SESTD1: variants seen among roughly 807,000 people sequenced by gnomAD.
SESTD1 encodes SEC14 domain and spectrin repeat-containing protein 1.
SESTD1 carries 43 observed loss-of-function variants against 101.7 expected under a neutral mutation model. The ratio of observed to expected loss-of-function variants is 0.42; its 90% confidence interval spans 0.33 to 0.55. The LOEUF is 0.55. SESTD1 is among the 20% of genes least tolerant of loss of function. The pLI, the probability that SESTD1 is intolerant of heterozygous loss-of-function variation, is 0.07. For missense variants in SESTD1, 647 were observed against 815.1 expected (o/e 0.79, Z 2.51); for synonymous variants, 283 against 286.8 (o/e 0.99, Z 0.13).
chr2:179,192,617 A>C (rs1222488136), intron 1 of SESTD1, among the ~76,000 whole-genome samples: 1 of 152,174 alleles, frequency 6.6e-6, no homozygotes, highest in Admixed American at 6.5e-5. Context: ...GTTATAGCTA[A>C]ATACAAAAAG....
chr2:179,264,158 A>T (rs1295154657), intron 1 of SESTD1: 2 of 152,066 alleles, frequency 1.3e-5, no homozygotes, highest in Non-Finnish European at 2.9e-5. Context: ...GAAATGAACA[A>T]GGGCGCTCAG....
chr2:179,110,678 C>G (rs2044487485), intron 17 of SESTD1, among the ~76,000 whole-genome samples: 1 of 152,046 alleles, frequency 6.6e-6, no homozygotes, highest in Non-Finnish European at 1.5e-5. Context: ...CCAGAGAGAC[C>G]ATCAATCTCT....
At chr2:179,253,603 C>G (rs1234370798) in intron 1 of SESTD1, among the ~76,000 whole-genome samples, 1 of 152,004 alleles carries the variant, frequency 6.6e-6, no homozygotes, top group Non-Finnish European at 1.5e-5. Context: ...AGGTACAGAA[C>G]ACTATGTGAT....
chr2:179,229,927 A>C (rs2046957957), intron 1 of SESTD1, among the ~76,000 whole-genome samples: 1 of 150,152 alleles, frequency 6.7e-6, no homozygotes, highest in Admixed American at 6.6e-5. Context: ...CTGAATTAGT[A>C]ATCTCATAAA....
chr2:179,210,839 T>C (rs989605238), intron 1 of SESTD1, among the ~76,000 whole-genome samples: 1 of 133,848 alleles, frequency 7.5e-6, no homozygotes, highest in Admixed American at 7.3e-5. Context: ...GCCAGAGCAA[T>C]CAGACAAGAG....
At chr2:179,177,776 TG>T (rs1243701544) in intron 3 of SESTD1, among the ~76,000 whole-genome samples, 9 of 152,108 alleles carry the variant, frequency 5.9e-5, no homozygotes, top group African/African-American at 2.2e-4. Flanking sequence ...TCATAATAGC[TG>T]AAGAGTAGAA....
rs535722674 is a variant in SESTD1, at chr2:179,150,649, G to A, written c.483+629C>T. Reference sequence around the variant, plus strand: ...AGCCTGACCAACATGGTGAAACCCCGTCTCTGCTAAAAATACAAAAATTAG... The same window carrying A: ...AGCCTGACCAACATGGTGAAACCCCATCTCTGCTAAAAATACAAAAATTAG... On this transcript the variant is annotated intron_variant, in intron 6 of 17. Transcript: ENST00000428443. Among the ~76,000 whole-genome samples the A allele has an allele frequency of 1.9e-4, 29 of 151,820 alleles. 1 individual carries two copies. Among genetic ancestry groups the A allele is most frequent in the Non-Finnish European group, 3.1e-4 (21 of 67,966 alleles).
At position 179,107,416 on chromosome 2, in the gene SESTD1, A is replaced by C. The variant is rs1245755693; in HGVS notation, c.*2483T>G. 2.6e-5 allele frequency: 4 copies of C among 152,178 alleles called. No homozygotes were observed. The highest frequency in any genetic ancestry group is 5.9e-5 in the Non-Finnish European group (4 of 68,020). 9.4% of individuals were successfully genotyped at this position (152,178 alleles called of 1,614,324 possible). On this transcript the variant is annotated 3_prime_UTR_variant, in exon 18 of 18. Transcript: ENST00000428443. Reference sequence around the variant, plus strand: ...GGCAAGATAGCTTAAGGTATATAAAAATTAACTCATTTGGCAATTATAACT... The same window carrying C: ...GGCAAGATAGCTTAAGGTATATAAACATTAACTCATTTGGCAATTATAACT...
chr2:179,146,131 G>C (rs997086065), intron 8 of SESTD1, among the ~76,000 whole-genome samples: 3 of 149,546 alleles, frequency 2.0e-5, no homozygotes. Context: ...AAACTCTATT[G>C]TGAACTATGC....
At chr2:179,263,324 C>T (rs192710802) in intron 1 of SESTD1, among the ~76,000 whole-genome samples, 1 of 152,292 alleles carries the variant, frequency 6.6e-6, no homozygotes, top group African/African-American at 2.4e-5. Flanking sequence ...ATTGGCATAA[C>T]TTAACCAAGG....
Position 179,151,402 on chromosome 2 carries a change from G to T in SESTD1, c.370-11C>A. The T allele has an allele frequency of 2.6e-6, 4 of 1,568,122 alleles. No individual in the cohort carries two copies. The highest frequency in any genetic ancestry group is 3.4e-6 in the Non-Finnish European group (4 of 1,160,374). On this transcript the variant is annotated splice_polypyrimidine_tract_variant and intron_variant, in intron 5 of 17. Coordinates refer to ENST00000428443, the MANE Select transcript of SESTD1 (RefSeq NM_178123.5). ...GGACACTAAAATAACCTATAAAAAG[G>T]TTAAAAGAAAAGAAACATTTAGTAA...
chr2:179,124,942 G>GTTAGA (rs1428460792), intron 10 of SESTD1, among the ~76,000 whole-genome samples: 1 of 152,090 alleles, frequency 6.6e-6, no homozygotes, highest in Admixed American at 6.5e-5. Context: ...AGTGCATGCT[G>GTTAGA]TTAGATTACA....
At chr2:179,119,283 A>G (rs541179580) in intron 13 of SESTD1, among the ~76,000 whole-genome samples, 1 of 152,356 alleles carries the variant, frequency 6.6e-6, no homozygotes, top group East Asian at 1.9e-4. Flanking sequence ...CAGAACCTGG[A>G]CATTTGATTA....
Position 179,248,390 on chromosome 2 carries a change from G to C in SESTD1, c.-26+16109C>G, listed in dbSNP as rs540573318. ...CAATTCTACACCAGATACAGAAGAG[G>C]AGGAAACACTTTCCATTTCATTTTA... On this transcript the variant is annotated intron_variant, in intron 1 of 17. Transcript: ENST00000428443. Among the ~76,000 whole-genome samples, 7 of 152,252 alleles carry C rather than the reference G, an allele frequency of 4.6e-5. No individual in the cohort carries two copies. In the East Asian group the frequency reaches 1.3e-3, roughly 29 times the overall value.
At chr2:179,230,535 TAAGAG>T (rs1365570656) in intron 1 of SESTD1, among the ~76,000 whole-genome samples, 1 of 151,286 alleles carries the variant, frequency 6.6e-6, no homozygotes, top group African/African-American at 2.4e-5. Context: ...AATAAATAAA[TAAGAG>T]AAAAGGTGAG....
intron 5 of SESTD1, among the ~76,000 whole-genome samples, chr2:179,168,827 A>G (rs1386955365): frequency 6.6e-6 from 1 of 152,374 alleles, no homozygotes; most frequent in South Asian, 2.1e-4. Flanking sequence ...GTTTGTTTAT[A>G]GCACAGTAAA....
chr2:179,253,045 A>G (rs2047341018), intron 1 of SESTD1, among the ~76,000 whole-genome samples: 1 of 152,200 alleles, frequency 6.6e-6, no homozygotes, highest in African/African-American at 2.4e-5. Flanking sequence ...CATAAAATAC[A>G]TAGGTGGCTA....
At chr2:179,111,737 T>TTTC (rs977836679) in intron 17 of SESTD1, among the ~76,000 whole-genome samples, 9 of 151,094 alleles carry the variant, frequency 6.0e-5, no homozygotes, top group African/African-American at 2.2e-4. Context: ...TTTTTTTTTT[T>TTTC]GAGACGGAGT....
At chr2:179,225,916 C>G (rs2046879642) in intron 1 of SESTD1, among the ~76,000 whole-genome samples, 1 of 152,056 alleles carries the variant, frequency 6.6e-6, no homozygotes, top group East Asian at 1.9e-4. Context: ...GACATTCAGA[C>G]CATACCATTA....
Sources: allele counts gnomAD v4.1 joint callset (sites outside exome capture counted in the v4.1 genomes callset), GRCh38; gene constraint gnomAD v4.1.1; transcripts MANE v1.5; gene names NCBI Gene and HGNC (gene_info 2026-07-23, HGNC 2026-07-21).